The following FAM184A variants were observed in gnomAD, a reference collection of about 807,000 sequenced individuals.
FAM184A encodes family with sequence similarity 184 member A.
In FAM184A, 99 loss-of-function variants were observed where a neutral mutation model predicts 143.8. That is an observed-to-expected ratio of 0.69 (90% CI 0.58 to 0.81). The LOEUF is 0.81. FAM184A is among the 40% of genes least tolerant of loss of function. The probability of loss-of-function intolerance (pLI) is 0.00; values close to 1 mark genes in which losing one functional copy is unlikely to be tolerated. For missense variants in FAM184A, 1,217 were observed against 1,310.5 expected, an observed-to-expected ratio of 0.93 and a Z score of 1.10; for synonymous variants, 427 against 446.4, an observed-to-expected ratio of 0.96 and a Z score of 0.55.
intron 1 of FAM184A, among the ~76,000 whole-genome samples, chr6:119,115,937 C>A (rs529719932): frequency 6.7e-6 from 1 of 149,900 alleles, no homozygotes; most frequent in South Asian, 2.1e-4. Flanking sequence ...CCACTGCACT[C>A]CAGCCTGGGT....
intron 9 of FAM184A, among the ~76,000 whole-genome samples, chr6:118,996,145 T>C (rs1033158251): frequency 2.0e-5 from 3 of 152,200 alleles, no homozygotes; most frequent in Admixed American, 1.3e-4. Flanking sequence ...TATTAATTCA[T>C]AATAAAATTA....
chr6:119,084,671 T>G (rs950216333), intron 1 of FAM184A, among the ~76,000 whole-genome samples: 2 of 152,222 alleles, frequency 1.3e-5, no homozygotes, highest in African/African-American at 4.8e-5. Context: ...TGTGTGGGGT[T>G]TCCAACCCCG....
chr6:119,020,911 G>T (rs1785423471), intron 3 of FAM184A, among the ~76,000 whole-genome samples: 1 of 152,148 alleles, frequency 6.6e-6, no homozygotes, highest in Admixed American at 6.5e-5. Flanking sequence ...AGACAGCAAG[G>T]TTATGAAAGA....
intron 15 of FAM184A, among the ~76,000 whole-genome samples, chr6:118,966,541 C>T (rs1783506845): frequency 6.6e-6 from 1 of 152,102 alleles, no homozygotes; most frequent in South Asian, 2.1e-4. Flanking sequence ...CATACACACA[C>T]TTCAATGGTA....
At position 118,979,247 on chromosome 6, in the gene FAM184A, A is replaced by T; in HGVS notation, c.2455+118T>A. On this transcript the variant is annotated intron_variant, in intron 11 of 17. Coordinates refer to ENST00000338891, the MANE Select transcript of FAM184A (RefSeq NM_024581.6). ...TTCAAATAAAATATGCAGTACACTT[A>T]GATATTCATTTTGACGTTTCAAAAT... 3 of 917,854 alleles carry T rather than the reference A, an allele frequency of 3.3e-6. No individual in the cohort carries two copies. In the South Asian group the frequency reaches 5.3e-5, roughly 16 times the overall value. The allele number at this position is 917,854 out of a possible 1,614,324, so 56.9% of individuals were successfully genotyped here.
chr6:118,965,356 C>A (rs2114538013), intron 15 of FAM184A, among the ~76,000 whole-genome samples: 1 of 152,000 alleles, frequency 6.6e-6, no homozygotes, highest in East Asian at 1.9e-4. Context: ...CCTCATTATT[C>A]TTCAGTACTG....
intron 11 of FAM184A, among the ~76,000 whole-genome samples, chr6:118,977,265 G>C (rs1414982260): frequency 6.6e-6 from 1 of 152,008 alleles, no homozygotes; most frequent in Admixed American, 6.6e-5. Context: ...TAATTATGCC[G>C]AGTGAAAAAA....
chr6:119,119,516 G>C (rs1219997671), intron 1 of FAM184A, among the ~76,000 whole-genome samples: 3 of 152,138 alleles, frequency 2.0e-5, no homozygotes, highest in Non-Finnish European at 4.4e-5. Context: ...TGTGAAATCG[G>C]GGGCAGGTTC....
At chr6:119,106,340 ATGAGATTG>A (rs1788781425) in intron 1 of FAM184A, among the ~76,000 whole-genome samples, 1 of 152,154 alleles carries the variant, frequency 6.6e-6, no homozygotes, top group Non-Finnish European at 1.5e-5. Flanking sequence ...TTGCAGTGAG[ATGAGATTG>A]TGCCACTGCA....
chr6:119,108,566 G>A (rs1788850322), intron 1 of FAM184A, among the ~76,000 whole-genome samples: 1 of 152,090 alleles, frequency 6.6e-6, no homozygotes, highest in Admixed American at 6.6e-5. Flanking sequence ...TTAAAAGACT[G>A]TCTACCTTTT....
At chr6:119,028,177 T>TC (rs1314616233) in intron 1 of FAM184A, among the ~76,000 whole-genome samples, 4 of 152,174 alleles carry the variant, frequency 2.6e-5, no homozygotes, top group Admixed American at 2.0e-4. Flanking sequence ...AGCTGGCTGG[T>TC]CCCCCCCTGC....
intron 1 of FAM184A, among the ~76,000 whole-genome samples, chr6:119,140,206 T>C (rs1373986223): frequency 6.6e-6 from 1 of 152,172 alleles, no homozygotes; most frequent in African/African-American, 2.4e-5. Context: ...TCTGCCCTCA[T>C]GAGTTGCCTT....
intron 1 of FAM184A, among the ~76,000 whole-genome samples, chr6:119,063,732 TAG>T (rs1235452494): frequency 2.9e-4 from 44 of 152,058 alleles, no homozygotes; most frequent in Non-Finnish European, 4.4e-5. Context: ...TGTTATTAAT[TAG>T]ACTCAGTATT....
intron 1 of FAM184A, among the ~76,000 whole-genome samples, chr6:119,141,782 G>A (rs1003473266): frequency 1.3e-5 from 2 of 151,848 alleles, no homozygotes; most frequent in Non-Finnish European, 2.9e-5. Context: ...CGGCCCCTGT[G>A]CTCCTTAAAA....
intron 1 of FAM184A, among the ~76,000 whole-genome samples, chr6:119,094,303 G>A (rs183647839): frequency 1.1e-4 from 16 of 152,254 alleles, no homozygotes; most frequent in African/African-American, 3.9e-4. Flanking sequence ...TTCACAGAAT[G>A]TCTTGACCTG....
At chr6:119,028,426 G>A (rs1449368923) in intron 1 of FAM184A, among the ~76,000 whole-genome samples, 1 of 152,168 alleles carries the variant, frequency 6.6e-6, no homozygotes, top group African/African-American at 2.4e-5. Context: ...TATACAGTTG[G>A]AACTTCCAGC....
At chr6:119,143,733 C>T (rs1772324174) in intron 1 of FAM184A, among the ~76,000 whole-genome samples, 1 of 152,194 alleles carries the variant, frequency 6.6e-6, no homozygotes, top group South Asian at 2.1e-4. Flanking sequence ...TGTACGATCC[C>T]ACTTGGATGA....
chr6:118,971,612 T>G (rs1346950457), intron 14 of FAM184A, among the ~76,000 whole-genome samples: 1 of 152,224 alleles, frequency 6.6e-6, no homozygotes, highest in Non-Finnish European at 1.5e-5. Context: ...CAGGACATTT[T>G]TATTAGATAT....
intron 9 of FAM184A, among the ~76,000 whole-genome samples, chr6:118,995,477 A>G (rs368883201): frequency 2.0e-5 from 3 of 152,220 alleles, no homozygotes; most frequent in East Asian, 3.9e-4. Context: ...TAACTTCTCA[A>G]AGCAAATTAT....
Sources: allele counts gnomAD v4.1 joint callset (sites outside exome capture counted in the v4.1 genomes callset), GRCh38; gene constraint gnomAD v4.1.1; transcripts MANE v1.5; gene names NCBI Gene and HGNC (gene_info 2026-07-23, HGNC 2026-07-21).